Variants in UNC13C observed in about 807,000 individuals in gnomAD.
The protein encoded by UNC13C is unc-13 homolog C.
Under a neutral mutation model 245.4 loss-of-function variants are expected in UNC13C, and 174 were observed. The ratio of observed to expected loss-of-function variants is 0.71; its 90% CI spans 0.63 to 0.80. UNC13C has a LOEUF of 0.80. Among genes scored for constraint, UNC13C ranks in the 30% least tolerant of loss-of-function variants. The pLI, the probability that UNC13C is intolerant of heterozygous loss-of-function variation, is 0.00. For missense variants in UNC13C, 2,829 were observed against 2,602.9 expected (o/e 1.09, Z -1.89); for synonymous variants, 992 against 895.1 (o/e 1.11, Z -1.93).
intron 11 of UNC13C, 22 bp from the exon 12 acceptor site, chr15:54,297,789 A>G: frequency 1.3e-6 from 2 of 1,523,468 alleles, no homozygotes; most frequent in African/African-American, 2.7e-5. Context: ...ATGACTGACC[A>G]ATTGCCTTTT....
the UNC13C span, among the ~76,000 whole-genome samples, chr15:53,886,776 T>G: frequency 1.3e-5 from 2 of 152,106 alleles, no homozygotes; most frequent in South Asian, 2.1e-4. Flanking sequence ...ACAAATCAGG[T>G]TGATAGTAGG....
At chr15:54,621,305 T>C (rs1459052498) in intron 30 of UNC13C, among the ~76,000 whole-genome samples, 2 of 152,196 alleles carry the variant, frequency 1.3e-5, no homozygotes, top group Non-Finnish European at 2.9e-5. Flanking sequence ...AAACGCCACA[T>C]AACTTTGACA....
intron 10 of UNC13C, among the ~76,000 whole-genome samples, chr15:54,280,747 C>T (rs8036873): frequency 1.3e-3 from 95 of 74,602 alleles, no homozygotes; most frequent in Middle Eastern, 6.0e-3. Flanking sequence ...TACATATATA[C>T]ATATATACAC....
intron 10 of UNC13C, among the ~76,000 whole-genome samples, chr15:54,268,718 C>A (rs2036609498): frequency 6.6e-6 from 1 of 152,004 alleles, no homozygotes; most frequent in South Asian, 2.1e-4. Flanking sequence ...ACTCTTCCTA[C>A]TAACTCATGA....
intron 2 of UNC13C, among the ~76,000 whole-genome samples, chr15:54,101,816 C>T (rs1443565294): frequency 1.3e-5 from 2 of 151,896 alleles, no homozygotes; most frequent in East Asian, 3.9e-4. Context: ...GAACTCCTGA[C>T]CTCATGATCC....
intron 14 of UNC13C, among the ~76,000 whole-genome samples, chr15:54,330,688 G>A (rs996621506): frequency 6.6e-6 from 1 of 152,004 alleles, no homozygotes; most frequent in Non-Finnish European, 1.5e-5. Context: ...TGGATTGAGG[G>A]CCACCAACCC....
In UNC13C at chr15:54,382,869, T is replaced by C. The variant is rs562984887; in HGVS notation, c.4714-10179T>C. On this transcript the variant is annotated intron_variant, in intron 17 of 32. Coordinates refer to ENST00000260323, the MANE Select transcript of UNC13C (RefSeq NM_001080534.3). ...CTCAGAAATGAAAAAGGAGACATTA[T>C]GACTGATATTTTGAAATACAAAAGA... is the stretch of plus-strand genomic sequence containing the variant. Among the ~76,000 whole-genome samples, 21 of 152,266 alleles carry C rather than the reference T, an allele frequency of 1.4e-4. No individual in the cohort carries two copies. In the South Asian group the frequency reaches 4.1e-3, roughly 30 times the overall value.
At chr15:54,557,527 AC>A (rs1897138471) in intron 29 of UNC13C, among the ~76,000 whole-genome samples, 1 of 151,862 alleles carries the variant, frequency 6.6e-6, no homozygotes, top group Non-Finnish European at 1.5e-5. Flanking sequence ...AAGGAAGAGT[AC>A]AACTTAAAAG....
intron 4 of UNC13C, among the ~76,000 whole-genome samples, chr15:54,194,438 C>T (rs1351138804): frequency 6.6e-6 from 1 of 152,046 alleles, no homozygotes; most frequent in African/African-American, 2.4e-5. Flanking sequence ...AAGGACAATA[C>T]TGATCCATAT....
chr15:54,305,488 G>A (rs140061078), intron 13 of UNC13C, among the ~76,000 whole-genome samples: 1 of 151,456 alleles, frequency 6.6e-6, no homozygotes, highest in African/African-American at 2.4e-5. Context: ...GCTATTGCTG[G>A]CCAAGCACTA....
intron 13 of UNC13C, among the ~76,000 whole-genome samples, chr15:54,300,759 A>G (rs374910642): frequency 1.6e-4 from 25 of 152,306 alleles, no homozygotes; most frequent in East Asian, 1.2e-3. Flanking sequence ...TTTGAGAGCC[A>G]GTGACTTATT....
chr15:54,465,499 T>C (rs1369840002), intron 19 of UNC13C, among the ~76,000 whole-genome samples: 2 of 152,070 alleles, frequency 1.3e-5, no homozygotes, highest in Non-Finnish European at 2.9e-5. Context: ...AACTCCCTAC[T>C]GAGTAAGAGG....
chr15:53,935,980 A>G, the UNC13C span, among the ~76,000 whole-genome samples: 1 of 152,154 alleles, frequency 6.6e-6, no homozygotes, highest in African/African-American at 2.4e-5. Flanking sequence ...AGGAGATCTG[A>G]TCATTTATTC....
rs182021277 is a variant in UNC13C at position 54,058,255 on chromosome 15, C to G, written c.2983+42369C>G. Among the ~76,000 whole-genome samples, 53 of 152,030 alleles carry G rather than the reference C, an allele frequency of 3.5e-4. 1 individual carries two copies. The highest frequency in any genetic ancestry group is 1.2e-3 in the African/African-American group (48 of 41,474). On this transcript the variant is annotated intron_variant, in intron 2 of 32. Transcript: ENST00000260323. ...AGAAAAGAGAGAAGAATCAAATAGA[C>G]ACAATAAAAAATGACAAAGGGGATG...
At chr15:54,143,076 T>A in intron 3 of UNC13C, 36 bp downstream of exon 3, 2 of 1,592,432 alleles carry the variant, frequency 1.3e-6, no homozygotes, top group Admixed American at 3.3e-5. Context: ...TCCTGAGGAA[T>A]CTTGTCTTTT....
the UNC13C span, among the ~76,000 whole-genome samples, chr15:53,846,705 T>C: frequency 6.6e-6 from 1 of 152,188 alleles, no homozygotes; most frequent in Non-Finnish European, 1.5e-5. Context: ...ATTGTCCAGA[T>C]TGTACTATAT....
chr15:54,223,289 C>G (rs116389474), intron 4 of UNC13C, among the ~76,000 whole-genome samples: 1 of 152,172 alleles, frequency 6.6e-6, no homozygotes, highest in African/African-American at 2.4e-5. Flanking sequence ...GGATAGGAGT[C>G]TAGTTTTATT....
At chr15:54,088,574 T>C (rs898715071) in intron 2 of UNC13C, among the ~76,000 whole-genome samples, 1 of 152,208 alleles carries the variant, frequency 6.6e-6, no homozygotes, top group Non-Finnish European at 1.5e-5. Flanking sequence ...CAGAGGTTGA[T>C]TACAGACAGG....
chr15:53,873,923 TCTTC>T, the UNC13C span, among the ~76,000 whole-genome samples: 8,907 of 47,318 alleles, frequency 0.19, 366 homozygotes, highest in Non-Finnish European at 0.22. Flanking sequence ...TTCCTTCCTT[TCTTC>T]CTTCCTTCCT....
Sources: allele counts gnomAD v4.1 joint callset (sites outside exome capture counted in the v4.1 genomes callset), GRCh38; gene constraint gnomAD v4.1.1; transcripts MANE v1.5; gene names NCBI Gene and HGNC (gene_info 2026-07-23, HGNC 2026-07-21).